The following EFCAB7 variants were observed in gnomAD, a reference collection of about 807,000 sequenced individuals.
EFCAB7 encodes EF-hand calcium-binding domain-containing protein 7.
EFCAB7 carries 66 observed loss-of-function variants against 77.1 expected under a neutral mutation model. The ratio of observed to expected loss-of-function variants is 0.86; its 90% confidence interval spans 0.70 to 1.05. The LOEUF (loss-of-function observed/expected upper bound fraction) is 1.05. Among genes scored for constraint, EFCAB7 ranks in the 50% least tolerant of loss-of-function variants. The probability of loss-of-function intolerance (pLI) is 0.00; values close to 1 mark genes in which losing one functional copy is unlikely to be tolerated. For missense variants in EFCAB7, 638 were observed against 730.5 expected, an observed-to-expected ratio of 0.87 and a Z score of 1.46; for synonymous variants, 225 against 243.3, an observed-to-expected ratio of 0.92 and a Z score of 0.70.
At chr1:63,576,231 A>G (rs1422166349), downstream of EFCAB7, among the ~76,000 whole-genome samples, 1 of 152,188 alleles carries the variant, frequency 6.6e-6, no homozygotes, top group Non-Finnish European at 1.5e-5. Context: ...CTGTCATCTC[A>G]GCACTTGGGA....
chr1:63,537,993 A>G (rs927403518), intron 6 of EFCAB7, among the ~76,000 whole-genome samples: 4 of 152,200 alleles, frequency 2.6e-5, no homozygotes, highest in Admixed American at 2.6e-4. Context: ...TTTGATAACA[A>G]GAATTTTTTG....
the EFCAB7 span, among the ~76,000 whole-genome samples, chr1:63,583,698 C>T: frequency 6.6e-6 from 1 of 151,778 alleles, no homozygotes; most frequent in African/African-American, 2.4e-5. Flanking sequence ...GCCGAGATGG[C>T]CTTTTAGAAA....
At chr1:63,561,057 A>T (rs1286208899) in intron 10 of EFCAB7, among the ~76,000 whole-genome samples, 2 of 152,260 alleles carry the variant, frequency 1.3e-5, no homozygotes, top group Admixed American at 6.5e-5. Flanking sequence ...TTCAGGAATT[A>T]TGCATGTCTA....
Position 63,554,627 on chromosome 1 carries a change from G to A in EFCAB7, c.1057-731G>A, listed in dbSNP as rs1326694231. On this transcript the variant is annotated intron_variant, in intron 8 of 13. Coordinates refer to ENST00000371088, the MANE Select transcript of EFCAB7 (RefSeq NM_032437.4). ...AGTGCTGGGATTACAGGCGTGAACC[G>A]CCATGCCCAGCCTGCTTTCTTTATA... 3.9e-5 allele frequency among the ~76,000 whole-genome samples: 6 copies of A among 152,110 alleles called. No individual in the cohort carries two copies. The East Asian group carries it at 7.7e-4, about 20-fold the overall frequency.
intron 6 of EFCAB7, among the ~76,000 whole-genome samples, chr1:63,538,162 T>G (rs1418953803): frequency 6.6e-6 from 1 of 152,170 alleles, no homozygotes; most frequent in Non-Finnish European, 1.5e-5. Flanking sequence ...ATGCCCTATA[T>G]AAGAATTACA....
downstream of EFCAB7, among the ~76,000 whole-genome samples, chr1:63,577,061 C>T (rs538553966): frequency 7.9e-5 from 12 of 151,510 alleles, no homozygotes; most frequent in Non-Finnish European, 7.4e-5. Context: ...GCAGGAGAAT[C>T]GTTTGAACCC....
At chr1:63,540,234 G>A (rs1211760124) in intron 6 of EFCAB7, among the ~76,000 whole-genome samples, 2 of 151,736 alleles carry the variant, frequency 1.3e-5, no homozygotes, top group Non-Finnish European at 2.9e-5. Flanking sequence ...TGTGGTGGCA[G>A]GCCCCTGTAA....
chr1:63,539,595 A>G (rs1472238038), intron 6 of EFCAB7, among the ~76,000 whole-genome samples: 1 of 152,208 alleles, frequency 6.6e-6, no homozygotes, highest in Non-Finnish European at 1.5e-5. Context: ...TTCTGCAGTC[A>G]ATTGAGAACT....
chr1:63,576,797 C>T (rs1647434240), downstream of EFCAB7, among the ~76,000 whole-genome samples: 1 of 151,456 alleles, frequency 6.6e-6, no homozygotes, highest in Admixed American at 6.6e-5. Context: ...GATCACCCCA[C>T]TGCACTCCAG....
intron 6 of EFCAB7, among the ~76,000 whole-genome samples, chr1:63,536,420 T>A (rs551910029): frequency 1.9e-3 from 291 of 152,320 alleles, no homozygotes; most frequent in African/African-American, 6.7e-3. Flanking sequence ...TTTCACTCTG[T>A]CACCCAGGCT....
Position 63,572,458 on chromosome 1 carries a change from T to C in EFCAB7, c.1832T>C (p.Met611Thr). The C allele has an allele frequency of 6.3e-7, 1 of 1,582,138 alleles. No individual in the cohort carries two copies. The highest frequency in any genetic ancestry group is 1.2e-5 in the South Asian group (1 of 84,612). ...TATGTGCAGGTTTGTCAACATGTAATGCCTTTGAATGAACGACAAGAATGG... is the reference window on the plus strand; with the variant it reads ...TATGTGCAGGTTTGTCAACATGTAACGCCTTTGAATGAACGACAAGAATGG... ...PKSTMVCQHV[M>T]PLNERQEWIY... Residue 611 changes from methionine (M) to threonine (T), a missense_variant, in exon 14 of 14, where the codon ATG (methionine) becomes ACG (threonine). Physicochemically the swap from Met to Thr is moderately conservative, Grantham distance 81. Coordinates refer to ENST00000371088, the MANE Select transcript of EFCAB7 (RefSeq NM_032437.4).
chr1:63,561,984 C>A, intron 11 of EFCAB7, 127 bp downstream of exon 11: 1 of 524,118 alleles, frequency 1.9e-6, no homozygotes, highest in Non-Finnish European at 3.0e-6. Flanking sequence ...ATGAATGAAT[C>A]CTGGGTGCAA....
chr1:63,568,387 T>C lies in EFCAB7; in HGVS notation c.1575T>C (p.Ser525=). Residue 525 remains serine (S), a synonymous_variant, in exon 12 of 14, where the codon AGT becomes AGC. Coordinates refer to ENST00000371088, the MANE Select transcript of EFCAB7 (RefSeq NM_032437.4). ...AAGCTGTCCATATGGAGGCATGTAG[T>C]GGACAACTTGAGAAGGCCATTTGTA... ...KIKAVHMEAC[S]GQLEKAICKS... 6.3e-7 allele frequency: 1 copy of C among 1,585,904 alleles called. No homozygotes were observed. Among genetic ancestry groups the C allele is most frequent in the Non-Finnish European group, 8.5e-7 (1 of 1,169,752 alleles).
chr1:63,528,510 C>T (rs554040243), intron 2 of EFCAB7, among the ~76,000 whole-genome samples: 1 of 152,114 alleles, frequency 6.6e-6, no homozygotes, highest in East Asian at 1.9e-4. Context: ...TTAGCTAGCA[C>T]AACAGGGTGA....
At chr1:63,544,921 CTTT>C (rs34798915) in intron 6 of EFCAB7, among the ~76,000 whole-genome samples, 1 of 138,240 alleles carries the variant, frequency 7.2e-6, no homozygotes, top group Non-Finnish European at 1.6e-5. Flanking sequence ...TCTTTTCTTT[CTTT>C]TTTTTTTTTT....
the EFCAB7 span, among the ~76,000 whole-genome samples, chr1:63,583,090 T>C: frequency 1.3e-5 from 2 of 152,188 alleles, no homozygotes; most frequent in African/African-American, 4.8e-5. Context: ...AGGAATGATA[T>C]CTGCCTGAAC....
At chr1:63,535,472 T>C (rs1427208465) in intron 6 of EFCAB7, among the ~76,000 whole-genome samples, 1 of 152,128 alleles carries the variant, frequency 6.6e-6, no homozygotes, top group African/African-American at 2.4e-5. Context: ...GAATGACTAC[T>C]GTGTGCCAGT....
At chr1:63,570,934 C>A in intron 12 of EFCAB7, 87 bp from the exon 13 acceptor site, 1 of 911,554 alleles carries the variant, frequency 1.1e-6, no homozygotes, top group Non-Finnish European at 1.6e-6. Flanking sequence ...GATGTTAAAA[C>A]AGAATTTCAG....
At chr1:63,554,404 G>A (rs993043930) in intron 8 of EFCAB7, among the ~76,000 whole-genome samples, 2 of 152,070 alleles carry the variant, frequency 1.3e-5, no homozygotes, top group African/African-American at 4.8e-5. Flanking sequence ...ACAATGGCAC[G>A]ATCTCAGCTC....
Sources: gnomAD v4.1 joint callset for allele counts (sites outside exome capture counted in the v4.1 genomes callset) on GRCh38, gnomAD v4.1.1 for gene constraint, MANE v1.5 for transcripts, NCBI Gene and HGNC (gene_info 2026-07-23, HGNC 2026-07-21) for gene names.